ABCA12: variants seen among roughly 807,000 people sequenced by gnomAD.
The protein encoded by ABCA12 is ATP binding cassette subfamily A member 12, also known as glucosylceramide transporter ABCA12.
In ABCA12, 156 loss-of-function variants were observed where a neutral mutation model predicts 293.5. The ratio of observed to expected loss-of-function variants is 0.53; its 90% confidence interval spans 0.47 to 0.61. The LOEUF is 0.61. Among genes scored for constraint, ABCA12 ranks in the 20% least tolerant of loss-of-function variants. The probability of loss-of-function intolerance (pLI) is 0.00; values close to 1 mark genes in which losing one functional copy is unlikely to be tolerated. For synonymous variants in ABCA12, 1,063 were observed against 1,108.0 expected, an observed-to-expected ratio of 0.96 and a Z score of 0.81; for missense variants, 2,797 against 3,090.2, an observed-to-expected ratio of 0.91 and a Z score of 2.25.
At chr2:215,025,493 G>A (rs547436736) in intron 11 of ABCA12, 180 bp downstream of exon 11, 16 of 560,386 alleles carry the variant, frequency 2.9e-5, no homozygotes, top group African/African-American at 2.1e-4. Flanking sequence ...TTCTAGAGTC[G>A]TAAGTAGGGC....
intron 2 of ABCA12, among the ~76,000 whole-genome samples, chr2:215,109,302 A>G (rs1702522804): frequency 6.6e-6 from 1 of 152,128 alleles, no homozygotes; most frequent in Non-Finnish European, 1.5e-5. Context: ...ATGGACAAAG[A>G]AGCGGTTTTC....
chr2:215,112,508 T>TTTTTTTTTTTTG (rs1702597967), intron 1 of ABCA12, among the ~76,000 whole-genome samples: 2 of 131,672 alleles, frequency 1.5e-5, no homozygotes, highest in South Asian at 2.5e-4. Flanking sequence ...TTTTTTTTTG[T>TTTTTTTTTTTTG]TTTTTTTTGA....
At chr2:215,103,460 G>A (rs1702400446) in intron 2 of ABCA12, among the ~76,000 whole-genome samples, 1 of 151,774 alleles carries the variant, frequency 6.6e-6, no homozygotes, top group African/African-American at 2.4e-5. Context: ...AGTAGAGACA[G>A]GGTTTCACCA....
chr2:215,001,548 C>T lies in ABCA12; in HGVS notation c.2863+10G>A, dbSNP rs745800243. 1.9e-6 allele frequency: 3 copies of T among 1,613,548 alleles called. No individual in the cohort carries two copies. Among genetic ancestry groups the T allele is most frequent in the South Asian group, 2.2e-5 (2 of 91,060 alleles). ...AAGAGATGCTCAAACCCTAATAGAA[C>T]AGCACTTACTTCCAAAGAGTTCGTT... On this transcript the variant is annotated intron_variant, in intron 21 of 52. Coordinates refer to ENST00000272895, the MANE Select transcript of ABCA12 (RefSeq NM_173076.3).
Position 214,985,069 on chromosome 2 carries a change from C to T in ABCA12, c.4164-1204G>A, listed in dbSNP as rs141764611. Among the ~76,000 whole-genome samples, 218 of 152,292 alleles carry T rather than the reference C, an allele frequency of 1.4e-3. 2 individuals carry two copies. Among genetic ancestry groups the T allele is most frequent in the Middle Eastern group, 0.01 (3 of 294 alleles). ...ACTCAGTGCCTTGCAGTGCAGACTT[C>T]TGGATTAAATTATGAACAAAGGAAT... is the stretch of plus-strand genomic sequence containing the variant. On this transcript the variant is annotated intron_variant, in intron 28 of 52. Coordinates refer to ENST00000272895, the MANE Select transcript of ABCA12 (RefSeq NM_173076.3).
rs181314573 is a variant in ABCA12 at position 214,974,853 on chromosome 2, G to A, written c.5393C>T (p.Pro1798Leu). ...TGCTGAGACAAGTGCTTCCGTGCTCGGGTGATAATTACTGCAATATGAAAG... is the reference window on the plus strand; with the variant it reads ...TGCTGAGACAAGTGCTTCCGTGCTCAGGTGATAATTACTGCAATATGAAAG... ...EQTAFYANYH[P>L]STEALVSAMW... Residue 1798 changes from proline to leucine, a missense_variant, in exon 35 of 53, where the codon CCG becomes CTG. Coordinates refer to ENST00000272895, the MANE Select transcript of ABCA12 (RefSeq NM_173076.3). 1.1e-4 allele frequency: 184 copies of A among 1,613,848 alleles called. No homozygotes were observed. In the East Asian group the frequency reaches 3.6e-3, roughly 31 times the overall value.
intron 6 of ABCA12, among the ~76,000 whole-genome samples, chr2:215,048,493 G>A (rs996880118): frequency 5.3e-5 from 8 of 151,556 alleles, no homozygotes; most frequent in Admixed American, 3.3e-4. Context: ...TCAGGAGTTC[G>A]AGATGAGCCT....
rs1462822063 is a variant in ABCA12, at chr2:215,130,159, A to G, written c.69+7981T>C. Among the ~76,000 whole-genome samples, 3 of 151,928 alleles carry G rather than the reference A, an allele frequency of 2.0e-5. No individual in the cohort carries two copies. In the East Asian group the frequency reaches 5.8e-4, roughly 29 times the overall value. The stretch of plus-strand genomic sequence containing the variant: ...GTATAATTTGAAGTCAGGCGATGTG[A>G]TGTCTCCAGATTTGTCCTTTTCCTT... On this transcript the variant is annotated intron_variant, in intron 1 of 52. Transcript: ENST00000272895.
intron 7 of ABCA12, among the ~76,000 whole-genome samples, chr2:215,041,408 C>T (rs10168670): frequency 0.11 from 16,577 of 151,770 alleles, 2,673 homozygotes; most frequent in African/African-American, 0.35. Flanking sequence ...AAAAATTAAC[C>T]GGGCATGGTG....
chr2:214,951,189 A>G, intron 44 of ABCA12, 106 bp from the exon 45 acceptor site: 1 of 980,172 alleles, frequency 1.0e-6, no homozygotes, highest in South Asian at 1.3e-5. Flanking sequence ...ACTAGTCATC[A>G]TTAGACTTCT....
At chr2:214,978,751 G>C in intron 32 of ABCA12, 53 bp downstream of exon 32, 1 of 1,564,928 alleles carries the variant, frequency 6.4e-7, no homozygotes, top group South Asian at 1.1e-5. Context: ...TTTCTTCAAA[G>C]GGAACAGCAA....
chr2:214,970,871 T>A (rs943663252), intron 36 of ABCA12, among the ~76,000 whole-genome samples: 2 of 152,066 alleles, frequency 1.3e-5, no homozygotes, highest in African/African-American at 4.8e-5. Flanking sequence ...AGACTCAGCT[T>A]AGTTATATGT....
rs1200439618 is a variant in ABCA12, at chr2:214,963,903, G to A, written c.5884+2945C>T. ...CCACTGCACTCCAGCCTGGGTGACT[G>A]ACAGAGTGAGACTCTGCCTCAAAAA... On this transcript the variant is annotated intron_variant, in intron 39 of 52. Transcript: ENST00000272895. 1.3e-4 allele frequency among the ~76,000 whole-genome samples: 15 copies of A among 119,026 alleles called. No individual in the cohort carries two copies. In the Admixed American group the frequency reaches 1.8e-3, roughly 14 times the overall value. 78.1% of individuals were successfully genotyped at this position (119,026 alleles called of 152,430 possible). A position where few individuals can be genotyped will look rare whatever the true frequency, so the allele number is the denominator to read the frequency against.
intron 1 of ABCA12, among the ~76,000 whole-genome samples, chr2:215,137,317 A>G (rs527318340): frequency 1.3e-4 from 20 of 152,194 alleles, no homozygotes; most frequent in Non-Finnish European, 2.5e-4. Flanking sequence ...TACATTACTC[A>G]TTCAAGGCTG....
Position 215,064,166 on chromosome 2 carries a change from T to C in ABCA12, c.217A>G (p.Thr73Ala). The change falls in exon 3 of 53, where the codon ACC (threonine) becomes GCC (alanine). Residue 73 changes from threonine (T) to alanine (A), a missense_variant. Physicochemically the swap from Thr to Ala is moderately conservative, Grantham distance 58. Transcript: ENST00000272895. The stretch of plus-strand genomic sequence containing the variant: ...TTAGAGTCTGTGTCACAGAGTAGGG[T>C]CTGCAGGAATGGAAAGAATCCAGTA... ...PSTGFFPFLQ[T>A]LLCDTDSKCK... The C allele has an allele frequency of 6.2e-7, 1 of 1,612,720 alleles. No homozygotes were observed. Among genetic ancestry groups the C allele is most frequent in the Non-Finnish European group, 8.5e-7 (1 of 1,179,200 alleles).
At chr2:215,052,384 T>C (rs1007173160) in intron 5 of ABCA12, 103 bp downstream of exon 5, 3 of 963,082 alleles carry the variant, frequency 3.1e-6, no homozygotes, top group South Asian at 1.4e-5. Context: ...TTACCCTAAA[T>C]AGGAAAGGTG....
intron 2 of ABCA12, among the ~76,000 whole-genome samples, chr2:215,107,164 T>A (rs1702479917): frequency 6.6e-6 from 1 of 152,254 alleles, no homozygotes; most frequent in African/African-American, 2.4e-5. Flanking sequence ...GTCAGGGTTT[T>A]ACTGTACTTG....
rs370462755 is a variant in ABCA12, at chr2:215,011,952, T to C, written c.2121+19A>G. On this transcript the variant is annotated intron_variant, in intron 16 of 52. Transcript: ENST00000272895. ...AGAAGGCATTTTTCAACAAGAACAT[T>C]ACTGGGTGACTTTGCTACCTGTGTT... 2.5e-6 allele frequency: 4 copies of C among 1,612,934 alleles called. No homozygotes were observed. Among genetic ancestry groups the C allele is most frequent in the Admixed American group, 1.7e-5 (1 of 59,958 alleles).
chr2:214,970,480 C>T (rs1699363507), intron 36 of ABCA12, 80 bp from the exon 37 acceptor site: 3 of 1,533,200 alleles, frequency 2.0e-6, no homozygotes, highest in African/African-American at 1.4e-5. Context: ...GAGCTTCAGT[C>T]TCATGATTTG....
Sources: allele counts gnomAD v4.1 joint callset (sites outside exome capture counted in the v4.1 genomes callset), GRCh38; gene constraint gnomAD v4.1.1; transcripts MANE v1.5; gene names NCBI Gene and HGNC (gene_info 2026-07-23, HGNC 2026-07-21).